The following SRP54 variants were observed in gnomAD, a reference collection of about 807,000 sequenced individuals.
The protein encoded by SRP54 is signal recognition particle subunit SRP54.
Under a neutral mutation model 64.8 loss-of-function variants are expected in SRP54, and 10 were observed. The ratio of observed to expected loss-of-function variants is 0.15; its 90% CI spans 0.10 to 0.26. SRP54 has a LOEUF of 0.26. SRP54 is among the 10% of genes least tolerant of loss of function. The pLI is 1.00. For synonymous variants in SRP54, 193 were observed against 185.6 expected (o/e 1.04, Z -0.32); for missense variants, 325 against 613.7 (o/e 0.53, Z 4.97).
chr14:35,018,860 A>C (rs2044481643), intron 12 of SRP54, 95 bp downstream of exon 12: 4 of 1,426,174 alleles, frequency 2.8e-6, no homozygotes. Flanking sequence ...TTCGGGTAAA[A>C]ATATATCTAA....
At chr14:35,026,324 C>T (rs2139030265) in intron 14 of SRP54, among the ~76,000 whole-genome samples, 1 of 152,096 alleles carries the variant, frequency 6.6e-6, no homozygotes, top group Admixed American at 6.6e-5. Context: ...ACCTCCCAAG[C>T]TCAAGCGATC....
intron 11 of SRP54, among the ~76,000 whole-genome samples, chr14:35,017,654 T>C (rs991127440): frequency 2.6e-5 from 4 of 152,230 alleles, no homozygotes; most frequent in Non-Finnish European, 5.9e-5. Context: ...TTTTGGCTTG[T>C]TCCATCCCTG....
rs2044512340 is a variant in SRP54 at position 35,020,530 on chromosome 14, T to G, written c.1156+1456T>G. Reference sequence around the variant, plus strand: ...TTTATCAACTAAGTTTATGTAATATTCTAACAATTTGAACAATTTTTCATA... The same window carrying G: ...TTTATCAACTAAGTTTATGTAATATGCTAACAATTTGAACAATTTTTCATA... On this transcript the variant is annotated intron_variant, in intron 13 of 15. Coordinates refer to ENST00000216774, the MANE Select transcript of SRP54 (RefSeq NM_003136.4). Among the ~76,000 whole-genome samples the G allele has an allele frequency of 2.0e-5, 3 of 152,260 alleles. No individual in the cohort carries two copies. The South Asian group carries it at 6.2e-4, about 31-fold the overall frequency.
intron 1 of SRP54, among the ~76,000 whole-genome samples, chr14:34,988,866 G>A (rs2043944089): frequency 6.6e-6 from 1 of 151,846 alleles, no homozygotes; most frequent in Admixed American, 6.6e-5. Flanking sequence ...GTAAAATGGT[G>A]TAGTATTTGC....
intron 1 of SRP54, chr14:34,993,360 A>G (rs1378866175): frequency 6.6e-6 from 1 of 152,242 alleles, no homozygotes; most frequent in Non-Finnish European, 1.5e-5. Context: ...GGTATGGCAT[A>G]AGAAATAAAA....
chr14:35,027,922 G>T lies in SRP54; in HGVS notation c.1328-166G>T, dbSNP rs530362676. On this transcript the variant is annotated intron_variant, in intron 14 of 15. Transcript: ENST00000216774. The stretch of plus-strand genomic sequence containing the variant: ...AAAAATAGTATGTAATTGAGAAAAA[G>T]ATTAGAAGGGAATATGTAGAAATAG... 12 of 404,802 alleles carry T rather than the reference G, an allele frequency of 3.0e-5. No homozygotes were observed. In the South Asian group the frequency reaches 9.4e-4, roughly 32 times the overall value. 25.1% of individuals were successfully genotyped at this position (404,802 alleles called of 1,614,324 possible).
intron 1 of SRP54, among the ~76,000 whole-genome samples, chr14:34,995,258 G>A (rs1433304219): frequency 6.6e-6 from 1 of 151,270 alleles, no homozygotes; most frequent in Non-Finnish European, 1.5e-5. Context: ...GGCCGTTATG[G>A]AGACTTAAGT....
In SRP54 at chr14:35,029,186, A is replaced by G; in HGVS notation, c.*34A>G. On this transcript the variant is annotated 3_prime_UTR_variant, in exon 16 of 16. Coordinates refer to ENST00000216774, the MANE Select transcript of SRP54 (RefSeq NM_003136.4). ...CCTTAATATAAACTGACTCAGTTGA[A>G]TACCTAATTTGCTGAGACCTCAGCG... is the stretch of plus-strand genomic sequence containing the variant. 3 of 1,564,082 alleles carry G rather than the reference A, an allele frequency of 1.9e-6. No homozygotes were observed. The highest frequency in any genetic ancestry group is 2.6e-6 in the Non-Finnish European group (3 of 1,140,222).
chr14:35,012,717 C>T (rs1268133000), intron 8 of SRP54, among the ~76,000 whole-genome samples: 1 of 152,094 alleles, frequency 6.6e-6, no homozygotes, highest in Non-Finnish European at 1.5e-5. Flanking sequence ...TAGAAAATGC[C>T]TCCCATACTT....
chr14:34,996,219 C>A (rs1018460098), intron 1 of SRP54, among the ~76,000 whole-genome samples: 1 of 151,932 alleles, frequency 6.6e-6, no homozygotes, highest in Non-Finnish European at 1.5e-5. Context: ...TTATTAAAAC[C>A]TTTTTTCTTT....
intron 5 of SRP54, among the ~76,000 whole-genome samples, chr14:35,007,687 ACATAAAATAG>A (rs1566649635): frequency 8.0e-6 from 1 of 125,064 alleles, no homozygotes; most frequent in African/African-American, 2.7e-5. Flanking sequence ...AAATATATTT[ACATAAAATAG>A]ATTTTATTAA....
chr14:35,022,118 T>A (rs150464797), intron 13 of SRP54, among the ~76,000 whole-genome samples: 6 of 152,198 alleles, frequency 3.9e-5, no homozygotes, highest in African/African-American at 1.2e-4. Context: ...CATTATGAAT[T>A]TATGATTAAT....
chr14:35,003,591 C>T (rs556560561), intron 4 of SRP54, among the ~76,000 whole-genome samples: 4 of 142,426 alleles, frequency 2.8e-5, no homozygotes, highest in African/African-American at 7.8e-5. Context: ...TTTTTTGAGA[C>T]AGGGTCTTAC....
intron 11 of SRP54, among the ~76,000 whole-genome samples, chr14:35,017,640 TCTC>T (rs2044464934): frequency 6.6e-6 from 1 of 151,418 alleles, no homozygotes. Context: ...GAAAATACTT[TCTC>T]TTTTGGCTTG....
intron 14 of SRP54, among the ~76,000 whole-genome samples, chr14:35,026,186 ATTGTTGTTG>A (rs201948528): frequency 4.6e-5 from 3 of 65,838 alleles, no homozygotes; most frequent in Non-Finnish European, 6.9e-5. Flanking sequence ...TTTTTTATTT[ATTGTTGTTG>A]TTTATTTTTT....
intron 11 of SRP54, among the ~76,000 whole-genome samples, chr14:35,018,301 TA>T (rs1371388800): frequency 6.6e-6 from 1 of 152,214 alleles, no homozygotes; most frequent in Non-Finnish European, 1.5e-5. Context: ...AACAATCTTC[TA>T]AAGTGTCTTG....
chr14:35,016,779 TCAG>T (rs2044445966), intron 11 of SRP54, among the ~76,000 whole-genome samples: 1 of 152,162 alleles, frequency 6.6e-6, no homozygotes, highest in South Asian at 2.1e-4. Context: ...TAGTAGGCCT[TCAG>T]CAACTATTGA....
At chr14:34,986,653 G>A (rs1163532207) in intron 1 of SRP54, among the ~76,000 whole-genome samples, 4 of 152,202 alleles carry the variant, frequency 2.6e-5, no homozygotes, top group Non-Finnish European at 5.9e-5. Flanking sequence ...GCTGAGGCGG[G>A]TGGATCATGA....
chr14:35,008,255 G>A lies in SRP54; in HGVS notation c.361-372G>A, dbSNP rs186521744. Among the ~76,000 whole-genome samples the A allele has an allele frequency of 7.0e-4, 107 of 152,254 alleles. 2 individuals carry two copies. The highest frequency in any genetic ancestry group is 4.7e-3 in the Admixed American group (72 of 15,290). On this transcript the variant is annotated intron_variant, in intron 5 of 15. Coordinates refer to ENST00000216774, the MANE Select transcript of SRP54 (RefSeq NM_003136.4). ...ACCACTCCTTTCTCCCAAATTGCAT[G>A]TCTCAACAATATTACAAGATTTTTC... is the stretch of plus-strand genomic sequence containing the variant.
Sources: allele counts gnomAD v4.1 joint callset (sites outside exome capture counted in the v4.1 genomes callset), GRCh38; gene constraint gnomAD v4.1.1; transcripts MANE v1.5; gene names NCBI Gene and HGNC (gene_info 2026-07-23, HGNC 2026-07-21).